CACNA1C: variants seen among roughly 807,000 people sequenced by gnomAD.
CACNA1C encodes voltage-dependent L-type calcium channel subunit alpha-1C.
A neutral mutation model predicts 229.0 loss-of-function variants in CACNA1C; 30 were observed. That is an observed-to-expected ratio of 0.13 (90% CI 0.10 to 0.18). The LOEUF (loss-of-function observed/expected upper bound fraction) is 0.18, where lower values mean the gene tolerates loss of function less well. Ranked by LOEUF, CACNA1C falls within the 10% of genes least tolerant of loss-of-function variation. The pLI, the probability that CACNA1C is intolerant of heterozygous loss-of-function variation, is 1.00. For missense variants in CACNA1C, 1,658 were observed against 2,845.0 expected (o/e 0.58, Z 9.49); for synonymous variants, 1,114 against 1,132.5 (o/e 0.98, Z 0.33).
chr12:2,288,407 T>C (rs749183080), intron 3 of CACNA1C, among the ~76,000 whole-genome samples: 2 of 152,142 alleles, frequency 1.3e-5, no homozygotes, highest in Non-Finnish European at 2.9e-5. Context: ...GAAAGCATGG[T>C]CAGTTGCCCT....
intron 3 of CACNA1C, among the ~76,000 whole-genome samples, chr12:2,250,129 T>TC (rs1161707376): frequency 6.6e-6 from 1 of 152,134 alleles, no homozygotes; most frequent in African/African-American, 2.4e-5. Context: ...CTCTTTAGAT[T>TC]CCTCAAGGAC....
At chr12:2,384,844 C>CT (rs2098340623) in intron 3 of CACNA1C, among the ~76,000 whole-genome samples, 2 of 152,200 alleles carry the variant, frequency 1.3e-5, no homozygotes, top group Non-Finnish European at 2.9e-5. Flanking sequence ...CACTCCTTGG[C>CT]TTAGCAAATC....
At chr12:2,684,142 G>C (rs2097322593) in intron 43 of CACNA1C, among the ~76,000 whole-genome samples, 1 of 152,224 alleles carries the variant, frequency 6.6e-6, no homozygotes, top group Non-Finnish European at 1.5e-5. Flanking sequence ...CTGGGGTCCA[G>C]TGCTTTCTGC....
rs1470660043 is a variant in CACNA1C, at chr12:2,448,915, A to G, written c.478-61A>G. The G allele has an allele frequency of 2.2e-5, 32 of 1,457,076 alleles. No individual in the cohort carries two copies. In the Middle Eastern group the frequency reaches 1.0e-3, roughly 48 times the overall value. The allele number at this position is 1,457,076 out of a possible 1,614,324, so 90.3% of individuals were successfully genotyped here. A position where few individuals can be genotyped will look rare whatever the true frequency, so the allele number is the denominator to read the frequency against. On this transcript the variant is annotated intron_variant, in intron 3 of 46. Transcript: ENST00000399655. ...CTACTTGTGAGATCTACTGGTTCCA[A>G]ACTTTCCAAATCCCCAAACCAATGA...
At chr12:2,064,441 CTG>C (rs903501654) in intron 1 of CACNA1C, among the ~76,000 whole-genome samples, 1 of 148,186 alleles carries the variant, frequency 6.7e-6, no homozygotes, top group African/African-American at 2.4e-5. Flanking sequence ...GGAGGCAGCT[CTG>C]TGCTCTGTGC....
At chr12:2,425,899 C>T (rs1316709997) in intron 3 of CACNA1C, among the ~76,000 whole-genome samples, 6 of 152,180 alleles carry the variant, frequency 3.9e-5, no homozygotes, top group African/African-American at 1.4e-4. Context: ...CTTGGGAAGT[C>T]AAGTAATAAT....
At chr12:2,387,299 A>C (rs564477476) in intron 3 of CACNA1C, among the ~76,000 whole-genome samples, 1 of 152,288 alleles carries the variant, frequency 6.6e-6, no homozygotes, top group Admixed American at 6.5e-5. Flanking sequence ...AGCCTGGCCA[A>C]CTTGCTGAAA....
chr12:2,276,582 G>A (rs953477677), intron 3 of CACNA1C, among the ~76,000 whole-genome samples: 1 of 152,214 alleles, frequency 6.6e-6, no homozygotes, highest in African/African-American at 2.4e-5. Flanking sequence ...ATGGAGTATA[G>A]TGAGAAATGT....
intron 29 of CACNA1C, among the ~76,000 whole-genome samples, chr12:2,616,888 G>A (rs1014291109): frequency 1.4e-4 from 22 of 152,232 alleles, no homozygotes; most frequent in Admixed American, 1.2e-3. Flanking sequence ...TGCCCTGCAC[G>A]CTGGTCTCTG....
chr12:2,079,593 C>G (rs2064671067), intron 1 of CACNA1C, among the ~76,000 whole-genome samples: 1 of 152,130 alleles, frequency 6.6e-6, no homozygotes, highest in African/African-American at 2.4e-5. Context: ...AAGGCCGCAC[C>G]TCCTCATACC....
At chr12:2,013,498 T>C (rs1197353910) in intron 1 of CACNA1C, among the ~76,000 whole-genome samples, 1 of 152,274 alleles carries the variant, frequency 6.6e-6, no homozygotes, top group Admixed American at 6.5e-5. Flanking sequence ...GGTTATAATT[T>C]TTAATTTTTA....
chr12:2,004,173 C>T, intron 1 of CACNA1C: 2 of 1,496,810 alleles, frequency 1.3e-6, no homozygotes, highest in Non-Finnish European at 1.8e-6. Flanking sequence ...CACCCACTTC[C>T]AGGGCGTCAA....
At chr12:2,289,895 G>A (rs1470707004) in intron 3 of CACNA1C, among the ~76,000 whole-genome samples, 1 of 152,196 alleles carries the variant, frequency 6.6e-6, no homozygotes, top group Non-Finnish European at 1.5e-5. Context: ...TAGAATCACT[G>A]AATATTTGCA....
intron 3 of CACNA1C, among the ~76,000 whole-genome samples, chr12:2,294,175 A>G (rs938479145): frequency 1.3e-5 from 2 of 152,168 alleles, no homozygotes; most frequent in Non-Finnish European, 2.9e-5. Context: ...ATAATTTAGG[A>G]CAGAGGAAGT....
intron 1 of CACNA1C, chr12:2,004,502 C>A: frequency 6.6e-7 from 1 of 1,521,862 alleles, no homozygotes; most frequent in Non-Finnish European, 8.8e-7. Context: ...AACGAGCGAG[C>A]TGCCTCGCAA....
At position 2,443,856 on chromosome 12, in the gene CACNA1C, C is replaced by T. The variant is rs1335868747; in HGVS notation, c.478-5120C>T. Among the ~76,000 whole-genome samples, 4 of 152,152 alleles carry T rather than the reference C, an allele frequency of 2.6e-5. No individual in the cohort carries two copies. The East Asian group carries it at 7.7e-4, about 29-fold the overall frequency. ...TGAAGGAATTAACCAAGCTGTCTTG[C>T]TTGTTTTTGTTTTTTGTTGTTTTTT... On this transcript the variant is annotated intron_variant, in intron 3 of 46. Coordinates refer to ENST00000399655, the MANE Select transcript of CACNA1C (RefSeq NM_000719.7).
intron 46 of CACNA1C, 46 bp downstream of exon 46, chr12:2,688,825 A>T: frequency 7.1e-7 from 1 of 1,399,590 alleles, no homozygotes; most frequent in South Asian, 1.5e-5. Flanking sequence ...ACGGGCAACA[A>T]GGGGACTTGG....
intron 30 of CACNA1C, among the ~76,000 whole-genome samples, chr12:2,640,182 C>T (rs1262094416): frequency 6.6e-6 from 1 of 152,174 alleles, no homozygotes; most frequent in Non-Finnish European, 1.5e-5. Flanking sequence ...TCAGACAGGA[C>T]GAACATCTGC....
chr12:1,990,297 TG>T (rs2039024222), intron 1 of CACNA1C, among the ~76,000 whole-genome samples: 1 of 152,240 alleles, frequency 6.6e-6, no homozygotes, highest in Admixed American at 6.5e-5. Flanking sequence ...ATGAAATGTT[TG>T]CCCTAACTTT....
Sources: gnomAD v4.1 joint callset for allele counts (sites outside exome capture counted in the v4.1 genomes callset) on GRCh38, gnomAD v4.1.1 for gene constraint, MANE v1.5 for transcripts, NCBI Gene and HGNC (gene_info 2026-07-23, HGNC 2026-07-21) for gene names.